The following EIPR1 variants were observed in gnomAD, a reference collection of about 807,000 sequenced individuals.
EIPR1 encodes the protein EARP and GARP complex-interacting protein 1.
Under a neutral mutation model 48.1 loss-of-function variants are expected in EIPR1, and 25 were observed. The observed-to-expected ratio is 0.52, with a 90% CI of 0.38 to 0.73. The LOEUF is 0.73. EIPR1 is among the 30% of genes least tolerant of loss of function. EIPR1 has a pLI of 0.00. For missense variants in EIPR1, 415 were observed against 506.2 expected (o/e 0.82, Z 1.73); for synonymous variants, 204 against 201.9 (o/e 1.01, Z -0.09).
Position 3,286,435 on chromosome 2 carries a change from C to T in EIPR1, c.260-28980G>A, listed in dbSNP as rs1356128501. 1.3e-5 allele frequency among the ~76,000 whole-genome samples: 2 copies of T among 152,106 alleles called. No individual in the cohort carries two copies. The highest frequency in any genetic ancestry group is 6.5e-5 in the Admixed American group (1 of 15,274). ...CAGAAGGAGCAGTGCCAAGGACCCC[C>T]GGGGGTGGGGCCATCCTACCAGGCA... On this transcript the variant is annotated intron_variant, in intron 3 of 8. Coordinates refer to ENST00000382125, the MANE Select transcript of EIPR1 (RefSeq NM_003310.5). The surrounding 1 kb of genome is among the most constrained non-coding windows in gnomAD (Gnocchi z 4.2).
intron 4 of EIPR1, among the ~76,000 whole-genome samples, chr2:3,251,017 A>C (rs1303340596): frequency 6.6e-6 from 1 of 152,158 alleles, no homozygotes; most frequent in Non-Finnish European, 1.5e-5. Context: ...GGCAGCTAAC[A>C]CACATAAAAT....
rs1667230650 is a variant in EIPR1, at chr2:3,258,451, T to C, written c.260-996A>G. 3.3e-5 allele frequency among the ~76,000 whole-genome samples: 5 copies of C among 152,176 alleles called. No individual in the cohort carries two copies. The South Asian group carries it at 1.0e-3, about 31-fold the overall frequency. ...GCAAACAGGATTCAACATTAAATCA[T>C]CAATTGATAACAAGTGAAGAACATA... On this transcript the variant is annotated intron_variant, in intron 3 of 8. Coordinates refer to ENST00000382125, the MANE Select transcript of EIPR1 (RefSeq NM_003310.5).
At chr2:3,328,273 C>T (rs1669760617) in intron 3 of EIPR1, among the ~76,000 whole-genome samples, 1 of 152,228 alleles carries the variant, frequency 6.6e-6, no homozygotes, top group East Asian at 1.9e-4. Context: ...CTGGGGGGTG[C>T]CACCCCTATG....
intron 3 of EIPR1, among the ~76,000 whole-genome samples, chr2:3,279,786 T>C (rs1667964029): frequency 6.6e-6 from 1 of 152,234 alleles, no homozygotes; most frequent in Admixed American, 6.5e-5. Context: ...ACCAACACCA[T>C]GATGCGAAGT....
Position 3,189,418 on chromosome 2 carries a change from C to T in EIPR1, c.1080G>A (p.Pro360=), listed in dbSNP as rs543753999. The T allele has an allele frequency of 7.5e-6, 12 of 1,599,868 alleles. No individual in the cohort carries two copies. Among genetic ancestry groups the T allele is most frequent in the Middle Eastern group, 1.7e-4 (1 of 6,028 alleles). ...VYAVDWSSAD[P]WLFASLSYDG... ...CATAGCTCAGGGAGGCAAACAGCCA[C>T]GGGTCAGCCGAGGACCAGTCCACGG... The change falls in exon 9 of 9, where the codon CCG becomes CCA. Residue 360 remains proline (P), a synonymous_variant. Coordinates refer to ENST00000382125, the MANE Select transcript of EIPR1 (RefSeq NM_003310.5). This position sits in a 1 kb window ranked among gnomAD's most constrained non-coding sequence, Gnocchi z 4.6.
At chr2:3,243,692 C>G (rs1418155544) in intron 4 of EIPR1, among the ~76,000 whole-genome samples, 1 of 152,146 alleles carries the variant, frequency 6.6e-6, no homozygotes, top group Non-Finnish European at 1.5e-5. Context: ...AAAGAATTCA[C>G]AAGCAAAACC....
intron 3 of EIPR1, among the ~76,000 whole-genome samples, chr2:3,264,790 C>T (rs368117643): frequency 3.7e-4 from 56 of 152,278 alleles, no homozygotes; most frequent in African/African-American, 1.3e-3. Flanking sequence ...CGGGTTCAAG[C>T]GATTCTCCTG....
chr2:3,326,575 G>A (rs562586182), intron 3 of EIPR1, among the ~76,000 whole-genome samples: 46 of 152,180 alleles, frequency 3.0e-4, no homozygotes, highest in Non-Finnish European at 4.7e-4. Flanking sequence ...ATTCACAAAC[G>A]CCTCCCTGGA....
intron 2 of EIPR1, among the ~76,000 whole-genome samples, chr2:3,350,848 T>C (rs1453188470): frequency 6.8e-6 from 1 of 146,894 alleles, no homozygotes; most frequent in Non-Finnish European, 1.5e-5. Context: ...CCTGGCAAAC[T>C]AATCTGAGTA....
At chr2:3,308,476 A>G (rs555680176) in intron 3 of EIPR1, among the ~76,000 whole-genome samples, 42 of 152,342 alleles carry the variant, frequency 2.8e-4, no homozygotes, top group Non-Finnish European at 4.6e-4. Flanking sequence ...GAAATGTCCA[A>G]TTTGAACACC....
At position 3,314,232 on chromosome 2, in the gene EIPR1, C is replaced by T. The variant is rs750574835; in HGVS notation, c.259+23785G>A. 5.3e-5 allele frequency among the ~76,000 whole-genome samples: 8 copies of T among 152,160 alleles called. 1 individual carries two copies. Among genetic ancestry groups the T allele is most frequent in the African/African-American group, 1.9e-4 (8 of 41,436 alleles). On this transcript the variant is annotated intron_variant, in intron 3 of 8. Coordinates refer to ENST00000382125, the MANE Select transcript of EIPR1 (RefSeq NM_003310.5). ...AATTCATCCCAGTTCTAACGTGGGA[C>T]GCTCGTTCCCAAGTACAGAGGCAGG...
chr2:3,294,783 CAT>C (rs1192853847), intron 3 of EIPR1, among the ~76,000 whole-genome samples: 6 of 137,732 alleles, frequency 4.4e-5, no homozygotes, highest in African/African-American at 5.4e-5. Flanking sequence ...CCTCTCTCTA[CAT>C]ACACACCCTC....
intron 5 of EIPR1, among the ~76,000 whole-genome samples, chr2:3,207,579 T>C (rs1006536103): frequency 1.3e-5 from 2 of 152,238 alleles, no homozygotes; most frequent in African/African-American, 4.8e-5. Context: ...AGGTGGCCCT[T>C]GGACATGGCA....
intron 3 of EIPR1, among the ~76,000 whole-genome samples, chr2:3,298,629 G>A (rs768902316): frequency 3.9e-5 from 6 of 151,916 alleles, no homozygotes; most frequent in East Asian, 1.9e-4. Flanking sequence ...GTCCTCCCCC[G>A]AGAAGATGTC....
chr2:3,240,961 C>T (rs1666598668), intron 4 of EIPR1, among the ~76,000 whole-genome samples: 1 of 123,102 alleles, frequency 8.1e-6, no homozygotes, highest in Non-Finnish European at 1.8e-5. Context: ...CCAGCAGATC[C>T]CTCCTAAAGC....
In EIPR1 at chr2:3,257,573, T is replaced by C. The variant is rs534020077; in HGVS notation, c.260-118A>G. ...CAGCGCGCATCTGCTCTTTAAAATA[T>C]GTACGATTGCAGGCAGCAAAGACGG... On this transcript the variant is annotated intron_variant, in intron 3 of 8. Coordinates refer to ENST00000382125, the MANE Select transcript of EIPR1 (RefSeq NM_003310.5). 7.2e-5 allele frequency: 91 copies of C among 1,269,046 alleles called. No homozygotes were observed. In the South Asian group the frequency reaches 7.2e-4, roughly 10 times the overall value. The allele number at this position is 1,269,046 out of a possible 1,614,324, so 78.6% of individuals were successfully genotyped here.
intron 3 of EIPR1, among the ~76,000 whole-genome samples, chr2:3,277,859 G>A (rs537501621): frequency 2.0e-5 from 3 of 152,358 alleles, no homozygotes; most frequent in Admixed American, 6.5e-5. Flanking sequence ...ATGAAAAGGC[G>A]TGTTTCACGG....
rs773324093 is a variant in EIPR1, at chr2:3,189,283, C to A, written c.*51G>T. On this transcript the variant is annotated 3_prime_UTR_variant, in exon 9 of 9. Coordinates refer to ENST00000382125, the MANE Select transcript of EIPR1 (RefSeq NM_003310.5). This position sits in a 1 kb window ranked among gnomAD's most constrained non-coding sequence, Gnocchi z 4.6. ...CAAAGAGCTGCGACTGTTTGAGAAT[C>A]TGCCAAGAGGAAAACCACTCAATGG... The A allele has an allele frequency of 1.4e-6, 2 of 1,468,146 alleles. No homozygotes were observed. Among genetic ancestry groups the A allele is most frequent in the South Asian group, 2.9e-5 (2 of 69,910 alleles). 90.9% of individuals were successfully genotyped at this position (1,468,146 alleles called of 1,614,324 possible).
intron 4 of EIPR1, among the ~76,000 whole-genome samples, chr2:3,229,698 T>G (rs908286192): frequency 6.6e-6 from 1 of 152,234 alleles, no homozygotes; most frequent in Admixed American, 6.5e-5. Flanking sequence ...ATGAATCCAC[T>G]CTTTCAATAC....
Sources: gnomAD v4.1 joint callset for allele counts (sites outside exome capture counted in the v4.1 genomes callset) on GRCh38, gnomAD v4.1.1 for gene constraint, Gnocchi (gnomAD v3.1) non-coding constraint, MANE v1.5 for transcripts, NCBI Gene and HGNC (gene_info 2026-07-23, HGNC 2026-07-21) for gene names.